Variants in PEBP4 observed in about 807,000 individuals in gnomAD.
The protein encoded by PEBP4 is phosphatidylethanolamine-binding protein 4.
Under a neutral mutation model 23.9 loss-of-function variants are expected in PEBP4, and 22 were observed. The observed-to-expected ratio is 0.92, with a 90% CI of 0.66 to 1.31. PEBP4 has a LOEUF of 1.31. Ranked by LOEUF, PEBP4 falls within the 40% of genes most tolerant of loss-of-function variation. PEBP4 has a pLI of 0.00. For missense variants in PEBP4, 324 were observed against 281.7 expected (o/e 1.15, Z -1.07); for synonymous variants, 112 against 99.3 (o/e 1.13, Z -0.76).
intron 1 of PEBP4, among the ~76,000 whole-genome samples, chr8:22,934,485 CA>C (rs113188194): frequency 0.13 from 19,692 of 151,426 alleles, 1,382 homozygotes; most frequent in Non-Finnish European, 0.16. Flanking sequence ...CATGTCACTA[CA>C]AAAAAAATCA....
intron 1 of PEBP4, among the ~76,000 whole-genome samples, chr8:22,939,367 A>G (rs915717479): frequency 2.0e-5 from 3 of 152,168 alleles, no homozygotes; most frequent in Non-Finnish European, 4.4e-5. Context: ...CTTCAATGAA[A>G]AGGAAAATGA....
intron 3 of PEBP4, among the ~76,000 whole-genome samples, chr8:22,915,797 T>C (rs1429907723): frequency 1.3e-5 from 2 of 152,222 alleles, no homozygotes; most frequent in Non-Finnish European, 2.9e-5. Context: ...GGGAGCCCCG[T>C]GTCCTTCCTC....
At chr8:22,844,727 G>T (rs1420717993) in intron 3 of PEBP4, among the ~76,000 whole-genome samples, 1 of 152,226 alleles carries the variant, frequency 6.6e-6, no homozygotes, top group Non-Finnish European at 1.5e-5. Flanking sequence ...GGACTTCAGA[G>T]GTGTGCCCTG....
chr8:22,795,365 C>T (rs935263503), intron 4 of PEBP4, among the ~76,000 whole-genome samples: 13 of 151,180 alleles, frequency 8.6e-5, no homozygotes, highest in Admixed American at 8.6e-4. Flanking sequence ...TTAGTAGAGA[C>T]GGGGTTTCAC....
intron 3 of PEBP4, among the ~76,000 whole-genome samples, chr8:22,874,900 A>T (rs1808089353): frequency 6.6e-6 from 1 of 152,226 alleles, no homozygotes. Context: ...GTGAAGAGCC[A>T]TTGAAATGAT....
At chr8:22,766,378 C>T (rs952024905) in intron 4 of PEBP4, among the ~76,000 whole-genome samples, 3 of 152,220 alleles carry the variant, frequency 2.0e-5, no homozygotes, top group Non-Finnish European at 1.5e-5. Flanking sequence ...GAGCTGGCAG[C>T]CCCTTGGCGA....
At position 22,759,737 on chromosome 8, in the gene PEBP4, A is replaced by G. The variant is rs139860851; in HGVS notation, c.358-32517T>C. On this transcript the variant is annotated intron_variant, in intron 4 of 6. Transcript: ENST00000256404. The stretch of plus-strand genomic sequence containing the variant: ...TTATGTAGTTCCTCGAGAAGCCCCC[A>G]TCACCACCCAGCCATGGAGACTGCT... 3.2e-3 allele frequency among the ~76,000 whole-genome samples: 489 copies of G among 152,264 alleles called. 1 individual carries two copies. The highest frequency in any genetic ancestry group is 4.0e-3 in the Non-Finnish European group (274 of 68,012).
intron 4 of PEBP4, among the ~76,000 whole-genome samples, chr8:22,769,277 A>C (rs193036778): frequency 2.9e-3 from 446 of 152,280 alleles, no homozygotes; most frequent in Non-Finnish European, 4.6e-3. Context: ...CCAACCATGC[A>C]GCCCAAGTTT....
rs1013698721 is a variant in PEBP4 at position 22,927,854 on chromosome 8, G to A, written c.-38C>T. The A allele has an allele frequency of 5.0e-5, 51 of 1,018,804 alleles. No individual in the cohort carries two copies. The highest frequency in any genetic ancestry group is 1.4e-4 in the Admixed American group (5 of 35,382). 63.1% of individuals were successfully genotyped at this position (1,018,804 alleles called of 1,614,324 possible). On this transcript the variant is annotated 5_prime_UTR_variant, in exon 1 of 7. Coordinates refer to ENST00000256404, the MANE Select transcript of PEBP4 (RefSeq NM_144962.3). ...TTAAGCACAGGGAGAAGGACAGGCA[G>A]CTTCCAGGGCTCCGCAGCTAATCCA...
chr8:22,892,943 T>C, intron 3 of PEBP4, among the ~76,000 whole-genome samples: 1 of 152,116 alleles, frequency 6.6e-6, no homozygotes, highest in Admixed American at 6.5e-5. Flanking sequence ...AGAGCTCAAG[T>C]CCAAGGGGGT....
rs1807891073 is a variant in PEBP4, at chr8:22,865,880, GCT to G, written c.259-48147_259-48146del. On this transcript the variant is annotated intron_variant, in intron 3 of 6. Coordinates refer to ENST00000256404, the MANE Select transcript of PEBP4 (RefSeq NM_144962.3). This position sits in a 1 kb window ranked among gnomAD's most constrained non-coding sequence, Gnocchi z 6.9. ...CGCAGGGCCCACCCCGGCTGTCCCA[GCT>G]CGGGCGCCCCAAACCCACAGCTCCC... 6.6e-6 allele frequency among the ~76,000 whole-genome samples: 1 copy of G among 152,136 alleles called. No individual in the cohort carries two copies. The highest frequency in any genetic ancestry group is 1.5e-5 in the Non-Finnish European group (1 of 68,008).
At chr8:22,906,367 T>C (rs2128777862) in intron 3 of PEBP4, among the ~76,000 whole-genome samples, 1 of 152,356 alleles carries the variant, frequency 6.6e-6, no homozygotes, top group Admixed American at 6.5e-5. Flanking sequence ...TGCAAGGGAT[T>C]TGTGCATTCA....
chr8:22,746,833 T>C (rs1358892653), intron 4 of PEBP4, among the ~76,000 whole-genome samples: 1 of 152,162 alleles, frequency 6.6e-6, no homozygotes, highest in African/African-American at 2.4e-5. Flanking sequence ...CTGCCTGTGG[T>C]CATCAAAGTT....
chr8:22,898,433 C>CA (rs1808641066), intron 3 of PEBP4, among the ~76,000 whole-genome samples: 1 of 132,178 alleles, frequency 7.6e-6, no homozygotes, highest in South Asian at 2.5e-4. Flanking sequence ...AAAAAAAAAC[C>CA]CACCCAGTCT....
intron 4 of PEBP4, among the ~76,000 whole-genome samples, chr8:22,784,077 C>T (rs538646108): frequency 4.6e-5 from 7 of 152,288 alleles, no homozygotes; most frequent in East Asian, 3.9e-4. Context: ...TGTCCACATA[C>T]GTAGGAGGAG....
chr8:22,719,501 C>A (rs1040850161), intron 6 of PEBP4, among the ~76,000 whole-genome samples: 1 of 151,940 alleles, frequency 6.6e-6, no homozygotes, highest in African/African-American at 2.4e-5. Context: ...CCATTCTGGG[C>A]AGCTGCTGCT....
intron 4 of PEBP4, among the ~76,000 whole-genome samples, chr8:22,770,339 G>T (rs1038732226): frequency 1.3e-5 from 2 of 152,140 alleles, no homozygotes; most frequent in African/African-American, 4.8e-5. Context: ...CTTATCAATC[G>T]CAGTCCCCCT....
chr8:22,713,760 G>A (rs754808597), intron 6 of PEBP4, among the ~76,000 whole-genome samples: 1 of 152,216 alleles, frequency 6.6e-6, no homozygotes, highest in Non-Finnish European at 1.5e-5. Flanking sequence ...TCCCCAGAGG[G>A]CAATGGGGAC....
intron 2 of PEBP4, chr8:22,924,809 T>C: frequency 1.0e-6 from 1 of 985,330 alleles, no homozygotes; most frequent in African/African-American, 1.7e-5. Flanking sequence ...GGACCGTCGG[T>C]GGTTTTGCTG....
Sources: allele counts gnomAD v4.1 joint callset (sites outside exome capture counted in the v4.1 genomes callset), GRCh38; gene constraint gnomAD v4.1.1; non-coding constraint Gnocchi (gnomAD v3.1); transcripts MANE v1.5; gene names NCBI Gene and HGNC (gene_info 2026-07-23, HGNC 2026-07-21).